DNAJB6: variants seen among roughly 807,000 people sequenced by gnomAD.
DNAJB6 encodes the protein dnaJ homolog subfamily B member 6.
A neutral mutation model predicts 42.7 loss-of-function variants in DNAJB6; 16 were observed. That is an observed-to-expected ratio of 0.37 (90% CI 0.25 to 0.57). DNAJB6 has a LOEUF of 0.57. Among genes scored for constraint, DNAJB6 ranks in the 20% least tolerant of loss-of-function variants. DNAJB6 has a pLI of 0.74. For missense variants in DNAJB6, 347 were observed against 416.8 expected (o/e 0.83, Z 1.46); for synonymous variants, 170 against 163.5 (o/e 1.04, Z -0.30).
At chr7:157,414,942 G>C (rs1796075385) in intron 9 of DNAJB6, 2 of 152,324 alleles carry the variant, frequency 1.3e-5, no homozygotes, top group Non-Finnish European at 2.9e-5. Context: ...ATTGGAGCCT[G>C]GCACCCGGCC....
At chr7:157,354,858 C>T (rs1259433489) in intron 1 of DNAJB6, among the ~76,000 whole-genome samples, 1 of 152,078 alleles carries the variant, frequency 6.6e-6, no homozygotes, top group Non-Finnish European at 1.5e-5. Flanking sequence ...TTCACAGGCA[C>T]CTCGGAGCTC....
intron 1 of DNAJB6, among the ~76,000 whole-genome samples, chr7:157,346,213 A>C (rs1241739816): frequency 6.6e-6 from 1 of 150,662 alleles, no homozygotes; most frequent in Non-Finnish European, 1.5e-5. Flanking sequence ...TATTGCCACA[A>C]ATGGTGTCTT....
intron 8 of DNAJB6, among the ~76,000 whole-genome samples, chr7:157,404,571 T>C (rs1413877474): frequency 6.8e-6 from 1 of 147,142 alleles, no homozygotes; most frequent in African/African-American, 2.6e-5. Flanking sequence ...AGTGCAGTGG[T>C]GCAATCTTGG....
In DNAJB6 at chr7:157,342,991, CT is replaced by C. The variant is rs796741029; in HGVS notation, c.-27+5858del. Among the ~76,000 whole-genome samples, 742 of 141,170 alleles carry C rather than the reference CT, an allele frequency of 5.3e-3. 4 individuals carry two copies. Among genetic ancestry groups the C allele is most frequent in the African/African-American group, 0.016 (609 of 38,828 alleles). The allele number at this position is 141,170 out of a possible 152,430, so 92.6% of individuals were successfully genotyped here. A position where few individuals can be genotyped will look rare whatever the true frequency, so the allele number is the denominator to read the frequency against. On this transcript the variant is annotated intron_variant, in intron 1 of 9. Transcript: ENST00000262177. Reference sequence around the variant, plus strand: ...CCTGTCTGTACTTTTTTTGTTTTTGCTTTTTTTTTTTGTTGTTTGAGACCAA... The same window carrying C: ...CCTGTCTGTACTTTTTTTGTTTTTGCTTTTTTTTTTGTTGTTTGAGACCAA...
chr7:157,354,970 A>G (rs965954143), intron 1 of DNAJB6, among the ~76,000 whole-genome samples: 27 of 152,174 alleles, frequency 1.8e-4, no homozygotes, highest in Non-Finnish European at 2.2e-4. Context: ...TGGACATCCA[A>G]GTGGCTGTGT....
chr7:157,411,713 G>T (rs1036007862), intron 9 of DNAJB6: 1 of 151,732 alleles, frequency 6.6e-6, no homozygotes, highest in Non-Finnish European at 1.5e-5. Flanking sequence ...CATGTTTAAA[G>T]TGCGGTGAGG....
rs137870685 is a variant in DNAJB6 at position 157,349,445 on chromosome 7, A to T, written c.-26-9102A>T. Among the ~76,000 whole-genome samples the T allele has an allele frequency of 1.1e-3, 170 of 151,794 alleles. 2 individuals are homozygous for T. In the East Asian group the frequency reaches 0.026, roughly 23 times the overall value. On this transcript the variant is annotated intron_variant, in intron 1 of 9. Transcript: ENST00000262177. The stretch of plus-strand genomic sequence containing the variant: ...AAGGTAATGGGAAGGCAGGACCGTG[A>T]CCCCAGGTTAGAAAAGACCAGGGGA...
intron 5 of DNAJB6, among the ~76,000 whole-genome samples, chr7:157,371,104 G>C (rs911004199): frequency 6.6e-6 from 1 of 152,144 alleles, no homozygotes; most frequent in Admixed American, 6.5e-5. Flanking sequence ...CTGCACACGC[G>C]AGGGACCTAG....
chr7:157,363,313 C>T (rs200897286), intron 3 of DNAJB6, 43 bp downstream of exon 3: 42 of 1,369,102 alleles, frequency 3.1e-5, no homozygotes, highest in African/African-American at 2.8e-4. Context: ...GCGGGCATGC[C>T]GGAATGCGGA....
intron 8 of DNAJB6, among the ~76,000 whole-genome samples, chr7:157,387,803 GCATT>G (rs1801146236): frequency 6.6e-6 from 1 of 151,992 alleles, no homozygotes; most frequent in Non-Finnish European, 1.5e-5. Flanking sequence ...GGAGGAGGGA[GCATT>G]CATTTGTACT....
chr7:157,347,129 A>C (rs1798730271), intron 1 of DNAJB6, among the ~76,000 whole-genome samples: 1 of 152,236 alleles, frequency 6.6e-6, no homozygotes, highest in African/African-American at 2.4e-5. Flanking sequence ...TGCTGGGATT[A>C]CAGGCATGAG....
intron 8 of DNAJB6, among the ~76,000 whole-genome samples, chr7:157,387,644 T>C (rs535799939): frequency 6.6e-6 from 1 of 152,334 alleles, no homozygotes; most frequent in African/African-American, 2.4e-5. Flanking sequence ...ATAGCGTTGG[T>C]ACTACACAAT....
Position 157,361,735 on chromosome 7 carries a change from G to A in DNAJB6, c.66-1426G>A, listed in dbSNP as rs548502957. The stretch of plus-strand genomic sequence containing the variant: ...TTAGGTTTTGCTAATTAGACTAGAG[G>A]ATTTTTTTGTATTCATTCATTCATT... On this transcript the variant is annotated intron_variant, in intron 2 of 9. Coordinates refer to ENST00000262177, the MANE Select transcript of DNAJB6 (RefSeq NM_058246.4). Among the ~76,000 whole-genome samples the A allele has an allele frequency of 9.7e-5, 14 of 144,504 alleles. No individual in the cohort carries two copies. The South Asian group carries it at 3.1e-3, about 32-fold the overall frequency. 94.8% of individuals were successfully genotyped at this position (144,504 alleles called of 152,430 possible). A position where few individuals can be genotyped will look rare whatever the true frequency, so the allele number is the denominator to read the frequency against.
chr7:157,371,609 A>G (rs953959541), intron 5 of DNAJB6, among the ~76,000 whole-genome samples: 5 of 152,252 alleles, frequency 3.3e-5, no homozygotes, highest in South Asian at 2.1e-4. Flanking sequence ...GAGGGGTACA[A>G]TCAAAACTGC....
chr7:157,348,453 C>T (rs532712556), intron 1 of DNAJB6, among the ~76,000 whole-genome samples: 2 of 152,230 alleles, frequency 1.3e-5, no homozygotes, highest in East Asian at 1.9e-4. Flanking sequence ...CCAGTCCTAG[C>T]GTTTGTGGAT....
intron 5 of DNAJB6, among the ~76,000 whole-genome samples, chr7:157,375,335 C>T (rs556941045): frequency 2.0e-5 from 3 of 152,260 alleles, no homozygotes; most frequent in East Asian, 3.9e-4. Context: ...TTCCTCCTGA[C>T]GCCAGAGTTC....
chr7:157,381,743 C>CGTGTGTGTGTG, intron 5 of DNAJB6: 1 of 96,050 alleles, frequency 1.0e-5, no homozygotes, highest in African/African-American at 4.4e-5. Context: ...CACACCATTC[C>CGTGTGTGTGTG]TCGTGTGTGT....
intron 1 of DNAJB6, among the ~76,000 whole-genome samples, chr7:157,355,449 C>T (rs1450567787): frequency 1.3e-5 from 2 of 152,188 alleles, no homozygotes; most frequent in Non-Finnish European, 1.5e-5. Flanking sequence ...CGTGAGCCAC[C>T]GCACCCGGCC....
intron 2 of DNAJB6, among the ~76,000 whole-genome samples, chr7:157,359,703 C>G (rs554598022): frequency 1.1e-4 from 17 of 152,292 alleles, no homozygotes; most frequent in Non-Finnish European, 2.4e-4. Context: ...CCTGTAGTCC[C>G]AACTGCTCCA....
Sources: allele counts gnomAD v4.1 joint callset (sites outside exome capture counted in the v4.1 genomes callset), GRCh38; gene constraint gnomAD v4.1.1; transcripts MANE v1.5; gene names NCBI Gene and HGNC (gene_info 2026-07-23, HGNC 2026-07-21).